The following ICAM5 variants were observed in gnomAD, a reference collection of about 807,000 sequenced individuals.
ICAM5 encodes ICAM-5.
ICAM5 carries 38 observed loss-of-function variants against 78.8 expected under a neutral mutation model. The observed-to-expected ratio is 0.48, with a 90% CI of 0.37 to 0.63. The LOEUF is 0.63. Among genes scored for constraint, ICAM5 ranks in the 30% least tolerant of loss-of-function variants. The pLI is 0.00. For synonymous variants in ICAM5, 544 were observed against 590.9 expected, an observed-to-expected ratio of 0.92 and a Z score of 1.15; for missense variants, 1,059 against 1,303.0, an observed-to-expected ratio of 0.81 and a Z score of 2.88.
At chr19:10,295,322 C>T in intron 9 of ICAM5, 24 bp from the exon 10 acceptor site, 1 of 1,506,628 alleles carries the variant, frequency 6.6e-7, no homozygotes, top group Non-Finnish European at 8.8e-7. Flanking sequence ...CGCTAAGCCC[C>T]ACTTCACCTT....
chr19:10,295,602 G>T lies in ICAM5; in HGVS notation c.2487G>T (p.Val829=), dbSNP rs1478325999. 42 of 1,541,500 alleles carry T rather than the reference G, an allele frequency of 2.7e-5. No homozygotes were observed. The highest frequency in any genetic ancestry group is 3.6e-5 in the Non-Finnish European group (41 of 1,145,328). ...AHGRHARRIT[V]RVAGPWLWVA... ...GGCGCCACGCGCGGCGCATCACGGT[G>T]CGCGTGGCCGGTAAGTGGCAGCTGG... The change falls in exon 10 of 11, where the codon GTG becomes GTT. Residue 829 remains valine, a synonymous_variant. Transcript: ENST00000221980.
intron 10 of ICAM5, 95 bp downstream of exon 10, chr19:10,295,707 C>G (rs2040214887): frequency 2.0e-5 from 27 of 1,352,858 alleles, no homozygotes; most frequent in Non-Finnish European, 2.3e-5. Context: ...CCCTCTCGGT[C>G]CCGGTAGACT....
In ICAM5 at chr19:10,292,651, T is replaced by A; in HGVS notation, c.1001T>A (p.Val334Asp). The change falls in exon 5 of 11, where the codon GTC (valine) becomes GAC (aspartate). Residue 334 changes from valine (V) to aspartate (D), a missense_variant. Physicochemically the swap from Val to Asp is radical, Grantham distance 152. Around this residue, in one of 3 missense-constraint regions of ICAM5, gnomAD observed 815 missense variants for 952.8 expected, o/e 0.86. Coordinates refer to ENST00000221980, the MANE Select transcript of ICAM5 (RefSeq NM_003259.4). ...CTCCTGACCCTGAGCGAACCCAGCG[T>A]CTCCGAGGGGCAGATGGTGACAGTA... Reference protein sequence around the residue: ...APLLTLSEPSVSEGQMVTVTC... With the variant: ...APLLTLSEPSDSEGQMVTVTC... The A allele has an allele frequency of 6.3e-7, 1 of 1,598,214 alleles. No individual in the cohort carries two copies. The highest frequency in any genetic ancestry group is 8.5e-7 in the Non-Finnish European group (1 of 1,172,300).
chr19:10,292,062 C>T lies in ICAM5; in HGVS notation c.701C>T (p.Ala234Val), dbSNP rs139899408. 1.3e-5 allele frequency: 21 copies of T among 1,612,616 alleles called. No individual in the cohort carries two copies. Among genetic ancestry groups the T allele is most frequent in the Middle Eastern group, 1.7e-4 (1 of 6,058 alleles). The part of the protein sequence containing the change: ...FSLSPDAPRL[A>V]APRLLEVGSE... ...CTGTCTCCGGATGCCCCGCGCCTCG[C>T]TGCTCCCCGGCTCTTGGAAGTTGGC... is the stretch of plus-strand genomic sequence containing the variant. The change falls in exon 4 of 11, where the codon GCT becomes GTT. Residue 234 changes from alanine (A) to valine (V), a missense_variant. This residue lies in a region of ICAM5 where 815 missense variants were observed against 952.8 expected (regional missense o/e 0.86). Coordinates refer to ENST00000221980, the MANE Select transcript of ICAM5 (RefSeq NM_003259.4).
chr19:10,291,916 G>C, intron 3 of ICAM5, 107 bp downstream of exon 3: 1 of 1,486,484 alleles, frequency 6.7e-7, no homozygotes, highest in East Asian at 2.3e-5. Context: ...ACCCTCGCCG[G>C]CTGAGCTGTT....
chr19:10,295,156 A>T (rs2040209837), intron 9 of ICAM5, among the ~76,000 whole-genome samples, 190 bp from the exon 10 acceptor site: 2 of 152,194 alleles, frequency 1.3e-5, no homozygotes, highest in South Asian at 4.1e-4. Context: ...CCATTCGGTG[A>T]AGAAGGGCGA....
rs751978302 is a variant in ICAM5 at position 10,291,680 on chromosome 19, A to G, written c.544A>G (p.Thr182Ala). The change falls in exon 3 of 11, where the codon ACA (threonine) becomes GCA (alanine). Residue 182 changes from threonine (T) to alanine (A), a missense_variant. By Grantham distance (58) the Thr-to-Ala change is moderately conservative. This residue lies in a region of ICAM5 where 815 missense variants were observed against 952.8 expected (regional missense o/e 0.86). Coordinates refer to ENST00000221980, the MANE Select transcript of ICAM5 (RefSeq NM_003259.4). ...ACCCCGAGCGCGGGGCGCGGTGCTC[A>G]CAGCCACGGTACTGGCTCGGAGGGA... is the stretch of plus-strand genomic sequence containing the variant. ...EPPRARGAVL[T>A]ATVLARREDH... The G allele has an allele frequency of 3.7e-6, 6 of 1,612,642 alleles. No individual in the cohort carries two copies. The South Asian group carries it at 6.6e-5, about 18-fold the overall frequency.
intron 5 of ICAM5, 26 bp downstream of exon 5, chr19:10,292,892 C>T (rs772668420): frequency 2.4e-5 from 38 of 1,606,870 alleles, no homozygotes; most frequent in Middle Eastern, 1.7e-4. Flanking sequence ...CCCCTCGCCC[C>T]CCACCTTCTG....
Position 10,290,998 on chromosome 19 carries a change from C to A in ICAM5, c.83-74C>A. 1.4e-5 allele frequency: 21 copies of A among 1,498,562 alleles called. No homozygotes were observed. Among genetic ancestry groups the A allele is most frequent in the Non-Finnish European group, 1.9e-5 (21 of 1,116,132 alleles). 92.8% of individuals were successfully genotyped at this position (1,498,562 alleles called of 1,614,324 possible). ...CTCCTCCTCCCCGCCCTCTGAGAAC[C>A]CTTGACTCGACATAGGGGCGCTAAG... On this transcript the variant is annotated intron_variant, in intron 1 of 10. Transcript: ENST00000221980. The surrounding 1 kb of genome is among the most constrained non-coding windows in gnomAD (Gnocchi z 5.7).
rs1568300559 is a variant in ICAM5, at chr19:10,293,324, G to A, written c.1465+78G>A. 2 of 1,504,208 alleles carry A rather than the reference G, an allele frequency of 1.3e-6. No homozygotes were observed. The highest frequency in any genetic ancestry group is 1.4e-5 in the African/African-American group (1 of 71,756). The allele number at this position is 1,504,208 out of a possible 1,614,324, so 93.2% of individuals were successfully genotyped here. A position where few individuals can be genotyped will look rare whatever the true frequency, so the allele number is the denominator to read the frequency against. ...GGCCAGCCTCCAGGGAAGAGTAGGA[G>A]TAGGGTATGAGGTGTCCCTTTGGGT... On this transcript the variant is annotated intron_variant, in intron 6 of 10. Coordinates refer to ENST00000221980, the MANE Select transcript of ICAM5 (RefSeq NM_003259.4). This position sits in a 1 kb window ranked among gnomAD's most constrained non-coding sequence, Gnocchi z 5.0.
Position 10,293,082 on chromosome 19 carries a change from G to A in ICAM5, c.1301G>A (p.Arg434His), listed in dbSNP as rs2040189224. Residue 434 changes from arginine to histidine, a missense_variant, in exon 6 of 11, where the codon CGC becomes CAC. This residue lies in a region of ICAM5 where 815 missense variants were observed against 952.8 expected (regional missense o/e 0.86). Transcript: ENST00000221980. The surrounding 1 kb of genome is among the most constrained non-coding windows in gnomAD (Gnocchi z 5.0). ...GAGCAGACGCTGCGCTGCGAGGCCC[G>A]CGGGAACCCAGAACCCTCAGTGCAC... ...GPEQTLRCEARGNPEPSVHCA... is the reference protein window; with the variant it reads ...GPEQTLRCEAHGNPEPSVHCA... 6.2e-7 allele frequency: 1 copy of A among 1,610,188 alleles called. No homozygotes were observed. The highest frequency in any genetic ancestry group is 8.5e-7 in the Non-Finnish European group (1 of 1,179,710).
In ICAM5 at chr19:10,293,990, C is replaced by T. The variant is rs1239219863; in HGVS notation, c.1711+47C>T. The T allele has an allele frequency of 1.3e-6, 2 of 1,597,166 alleles. No homozygotes were observed. The highest frequency in any genetic ancestry group is 2.7e-5 in the African/African-American group (2 of 74,650). On this transcript the variant is annotated intron_variant, in intron 7 of 10. Transcript: ENST00000221980. The surrounding 1 kb of genome is among the most constrained non-coding windows in gnomAD (Gnocchi z 5.0). ...TTAGGCAGGATCTGTGGGACAACCC[C>T]GGCTGGACTTCCTGGCCCCCGTGTG... is the stretch of plus-strand genomic sequence containing the variant.
rs1457912150 is a variant in ICAM5 at position 10,291,174 on chromosome 19, C to T, written c.185C>T (p.Pro62Leu). 1 of 1,612,282 alleles carries T rather than the reference C, an allele frequency of 6.2e-7. No homozygotes were observed. Among genetic ancestry groups the T allele is most frequent in the African/African-American group, 1.3e-5 (1 of 75,040 alleles). The change falls in exon 2 of 11, where the codon CCG (proline) becomes CTG (leucine). Residue 62 changes from proline to leucine, a missense_variant. Around this residue, in one of 3 missense-constraint regions of ICAM5, gnomAD observed 815 missense variants for 952.8 expected, o/e 0.86. Coordinates refer to ENST00000221980, the MANE Select transcript of ICAM5 (RefSeq NM_003259.4). ...WLNCSTNCPR[P>L]ERGGLETSLR... ...AATTGCAGCACCAACTGCCCTCGGC[C>T]GGAGCGCGGTGGCCTGGAGACCTCG...
chr19:10,292,217 G>T lies in ICAM5; in HGVS notation c.856G>T (p.Ala286Ser). Residue 286 changes from alanine to serine, a missense_variant, in exon 4 of 11, where the codon GCC (alanine) becomes TCC (serine). Coordinates refer to ENST00000221980, the MANE Select transcript of ICAM5 (RefSeq NM_003259.4). ...CGAAGGGGACGCATTCGTGGCCACT[G>T]CCACAGCCACAGCTAGCGCAGAGCA... ...TLEGDAFVATATATASAEQEG... is the reference protein window; with the variant it reads ...TLEGDAFVATSTATASAEQEG... 6.2e-7 allele frequency: 1 copy of T among 1,612,946 alleles called. No homozygotes were observed. The highest frequency in any genetic ancestry group is 8.5e-7 in the Non-Finnish European group (1 of 1,179,966).
In ICAM5 at chr19:10,291,660, G is replaced by A. The variant is rs760347968; in HGVS notation, c.524G>A (p.Arg175Gln). The change falls in exon 3 of 11, where the codon CGA becomes CAA. Residue 175 changes from arginine to glutamine, a missense_variant. Physicochemically the swap from Arg to Gln is conservative, Grantham distance 43. Transcript: ENST00000221980. Reference protein sequence around the residue: ...IRRSFAGEPPRARGAVLTATV... With the variant: ...IRRSFAGEPPQARGAVLTATV... ...CGCAGCTTCGCCGGTGAACCACCCC[G>A]AGCGCGGGGCGCGGTGCTCACAGCC... 24 of 1,611,934 alleles carry A rather than the reference G, an allele frequency of 1.5e-5. No homozygotes were observed. The highest frequency in any genetic ancestry group is 1.9e-5 in the Non-Finnish European group (23 of 1,179,574).
Position 10,291,216 on chromosome 19 carries a change from C to A in ICAM5, c.227C>A (p.Thr76Asn). 1.2e-6 allele frequency: 2 copies of A among 1,612,430 alleles called. No individual in the cohort carries two copies. Among genetic ancestry groups the A allele is most frequent in the Non-Finnish European group, 1.7e-6 (2 of 1,179,910 alleles). The change falls in exon 2 of 11, where the codon ACC becomes AAC. Residue 76 changes from threonine to asparagine, a missense_variant. By Grantham distance (65) the Thr-to-Asn change is moderately conservative (BLOSUM62 0). Coordinates refer to ENST00000221980, the MANE Select transcript of ICAM5 (RefSeq NM_003259.4). ...GAGACCTCGCTGCGCCGAAACGGGA[C>A]CCAGAGGGGTTTGCGTTGGTTGGCG... ...GLETSLRRNG[T>N]QRGLRWLARQ...
Position 10,290,867 on chromosome 19 carries a change from C to G in ICAM5, c.83-205C>G. ...TGGAGACCATGGCTCTCTGCTACCA[C>G]GTCCCAGAGACACCCTCGAGGTTTA... On this transcript the variant is annotated intron_variant, in intron 1 of 10. Coordinates refer to ENST00000221980, the MANE Select transcript of ICAM5 (RefSeq NM_003259.4). The surrounding 1 kb of genome is among the most constrained non-coding windows in gnomAD (Gnocchi z 5.7). The G allele has an allele frequency of 3.1e-6, 2 of 645,132 alleles. No individual in the cohort carries two copies. Among genetic ancestry groups the G allele is most frequent in the Non-Finnish European group, 2.6e-6 (1 of 379,942 alleles). 40.0% of individuals were successfully genotyped at this position (645,132 alleles called of 1,614,324 possible).
At position 10,294,529 on chromosome 19, in the gene ICAM5, A is replaced by C. The variant is rs200968160; in HGVS notation, c.2119A>C (p.Ile707Leu). The change falls in exon 9 of 11, where the codon ATC becomes CTC. Residue 707 changes from isoleucine (I) to leucine (L), a missense_variant. This residue lies in a region of ICAM5 where 135 missense variants were observed against 230.2 expected (regional missense o/e 0.59). Coordinates refer to ENST00000221980, the MANE Select transcript of ICAM5 (RefSeq NM_003259.4). This position sits in a 1 kb window ranked among gnomAD's most constrained non-coding sequence, Gnocchi z 7.7. ...SPGVRCSREGIPWPEQQRVSR... is the reference protein window; with the variant it reads ...SPGVRCSREGLPWPEQQRVSR... ...AGGAGTGCGCTGCTCTCGGGAAGGCATCCCATGGCCTGAGCAGCAGCGCGT... is the reference window on the plus strand; with the variant it reads ...AGGAGTGCGCTGCTCTCGGGAAGGCCTCCCATGGCCTGAGCAGCAGCGCGT... 2.9e-5 allele frequency: 46 copies of C among 1,608,410 alleles called. 1 individual carries two copies. The Admixed American group carries it at 3.9e-4, about 14-fold the overall frequency.
chr19:10,295,445 C>G lies in ICAM5; in HGVS notation c.2330C>G (p.Ala777Gly). The part of the protein sequence containing the change: ...LTCRAEAWPP[A>G]QISWRAPPGA... ...TGCCGCGCGGAGGCCTGGCCTCCAG[C>G]CCAGATCAGCTGGCGCGCGCCCCCG... is the stretch of plus-strand genomic sequence containing the variant. The change falls in exon 10 of 11, where the codon GCC becomes GGC. Residue 777 changes from alanine to glycine, a missense_variant. By Grantham distance (60) the Ala-to-Gly change is moderately conservative (BLOSUM62 0). This residue lies in a region of ICAM5 where 135 missense variants were observed against 230.2 expected (regional missense o/e 0.59). Coordinates refer to ENST00000221980, the MANE Select transcript of ICAM5 (RefSeq NM_003259.4). 1.2e-6 allele frequency: 2 copies of G among 1,608,164 alleles called. No individual in the cohort carries two copies. The highest frequency in any genetic ancestry group is 1.7e-6 in the Non-Finnish European group (2 of 1,178,734).
Sources: gnomAD v4.1 joint callset for allele counts (sites outside exome capture counted in the v4.1 genomes callset) on GRCh38, gnomAD v4.1.1 for gene constraint, gnomAD v4.1.1 regional missense constraint, Gnocchi (gnomAD v3.1) non-coding constraint, MANE v1.5 for transcripts, NCBI Gene and HGNC (gene_info 2026-07-23, HGNC 2026-07-21) for gene names.